ARFGAP1: variants seen among roughly 807,000 people sequenced by gnomAD.
The protein encoded by ARFGAP1 is ARF GTPase activating protein 1.
ARFGAP1 carries 26 observed loss-of-function variants against 54.0 expected under a neutral mutation model. That is an observed-to-expected ratio of 0.48 (90% CI 0.35 to 0.67). The LOEUF (loss-of-function observed/expected upper bound fraction) is 0.67, where lower values mean the gene tolerates loss of function less well. Among genes scored for constraint, ARFGAP1 ranks in the 30% least tolerant of loss-of-function variants. The pLI is 0.00. For synonymous variants in ARFGAP1, 248 were observed against 211.9 expected (o/e 1.17, Z -1.48); for missense variants, 525 against 535.8 (o/e 0.98, Z 0.20).
rs1333115261 is a variant in ARFGAP1, at chr20:63,276,023, G to A, written c.61-68G>A. The A allele has an allele frequency of 6.8e-7, 1 of 1,470,076 alleles. No individual in the cohort carries two copies. Among genetic ancestry groups the A allele is most frequent in the Non-Finnish European group, 9.5e-7 (1 of 1,052,364 alleles). 91.1% of individuals were successfully genotyped at this position (1,470,076 alleles called of 1,614,324 possible). A position where few individuals can be genotyped will look rare whatever the true frequency, so the allele number is the denominator to read the frequency against. On this transcript the variant is annotated intron_variant, in intron 2 of 12. Transcript: ENST00000370283. This position sits in a 1 kb window ranked among gnomAD's most constrained non-coding sequence, Gnocchi z 5.2. ...CTGCATTCGCTCCTTGAGGCCACCT[G>A]TCGGGTCTTTGGGGTCCCTGGGCTC...
chr20:63,287,478 C>T, intron 12 of ARFGAP1, 86 bp from the exon 13 acceptor site: 1 of 1,329,454 alleles, frequency 7.5e-7, no homozygotes, highest in Non-Finnish European at 1.0e-6. Flanking sequence ...GGTCACTGTC[C>T]AGGTGCAGAG....
chr20:63,278,819 C>T (rs1333007018), intron 6 of ARFGAP1, 80 bp from the exon 7 acceptor site: 11 of 1,411,300 alleles, frequency 7.8e-6, no homozygotes, highest in Non-Finnish European at 9.0e-6. Flanking sequence ...CCCAGCCTTG[C>T]CTGTGTTCAG....
rs957426248 is a variant in ARFGAP1 at position 63,288,441 on chromosome 20, C to T, written c.*568C>T. ...CTGCCTGGGCCTGTGCTGTCAGACC[C>T]GCGTCGGTCGTAACCCTCTGTGGCT... On this transcript the variant is annotated 3_prime_UTR_variant, in exon 13 of 13. Coordinates refer to ENST00000370283, the MANE Select transcript of ARFGAP1 (RefSeq NM_018209.4). 1.3e-5 allele frequency: 6 copies of T among 456,124 alleles called. No individual in the cohort carries two copies. The highest frequency in any genetic ancestry group is 1.8e-5 in the Non-Finnish European group (4 of 226,824). The allele number at this position is 456,124 out of a possible 1,614,324, so 28.3% of individuals were successfully genotyped here. A position where few individuals can be genotyped will look rare whatever the true frequency, so the allele number is the denominator to read the frequency against.
intron 10 of ARFGAP1, 118 bp downstream of exon 10, chr20:63,285,040 C>A: frequency 1.7e-6 from 2 of 1,190,402 alleles, no homozygotes; most frequent in Admixed American, 4.0e-5. Context: ...GGCCAAGCCT[C>A]ACACCCCACC....
chr20:63,278,581 G>A (rs765716444), intron 6 of ARFGAP1: 17 of 471,362 alleles, frequency 3.6e-5, no homozygotes, highest in African/African-American at 5.8e-5. Flanking sequence ...CATTTTCTGC[G>A]TGGAATCTGC....
At position 63,288,630 on chromosome 20, in the gene ARFGAP1, A is replaced by C; in HGVS notation, c.*757A>C. Reference sequence around the variant, plus strand: ...CAGGGTGGGCCCTCGGCCCTGATGCAGGAGGGTGCGATAGCGGACGTGGCC... The same window carrying C: ...CAGGGTGGGCCCTCGGCCCTGATGCCGGAGGGTGCGATAGCGGACGTGGCC... On this transcript the variant is annotated 3_prime_UTR_variant, in exon 13 of 13. Coordinates refer to ENST00000370283, the MANE Select transcript of ARFGAP1 (RefSeq NM_018209.4). The C allele has an allele frequency of 2.4e-6, 1 of 417,090 alleles. No individual in the cohort carries two copies. Among genetic ancestry groups the C allele is most frequent in the Admixed American group, 2.5e-5 (1 of 39,846 alleles). 25.8% of individuals were successfully genotyped at this position (417,090 alleles called of 1,614,324 possible).
At chr20:63,285,757 C>T (rs2067518627) in intron 11 of ARFGAP1, 44 bp downstream of exon 11, 1 of 1,601,272 alleles carries the variant, frequency 6.2e-7, no homozygotes, top group Non-Finnish European at 8.6e-7. Flanking sequence ...AAGCCAGTCT[C>T]CATATTCCAC....
chr20:63,287,509 C>T, intron 12 of ARFGAP1, 55 bp from the exon 13 acceptor site: 3 of 1,492,472 alleles, frequency 2.0e-6, no homozygotes, highest in South Asian at 2.7e-5. Context: ...CACAGAATTC[C>T]CAGTGGTGGA....
chr20:63,282,801 CT>C lies in ARFGAP1; in HGVS notation c.685-15del, dbSNP rs1253523075. ...CCATGTTAAGTCTGTCAAGCCTTGT[CT>C]TTGTTTTTCATTTTAGGCTACAAAG... On this transcript the variant is annotated splice_polypyrimidine_tract_variant and intron_variant, in intron 8 of 12. Transcript: ENST00000370283. 6.2e-7 allele frequency: 1 copy of C among 1,614,026 alleles called. No individual in the cohort carries two copies. The highest frequency in any genetic ancestry group is 1.7e-5 in the Admixed American group (1 of 60,022).
rs1007958598 is a variant in ARFGAP1, at chr20:63,276,840, G to C, written c.342+189G>C. ...CCCAGAGGGGAGGCAAATGGCTTGC[G>C]GGGGGAGACAGACCTTCCCCGCCTC... On this transcript the variant is annotated intron_variant, in intron 4 of 12. Coordinates refer to ENST00000370283, the MANE Select transcript of ARFGAP1 (RefSeq NM_018209.4). This position sits in a 1 kb window ranked among gnomAD's most constrained non-coding sequence, Gnocchi z 5.2. 2.1e-5 allele frequency: 13 copies of C among 629,782 alleles called. No individual in the cohort carries two copies. Among genetic ancestry groups the C allele is most frequent in the South Asian group, 2.0e-4 (8 of 40,970 alleles). The allele number at this position is 629,782 out of a possible 1,614,324, so 39.0% of individuals were successfully genotyped here. A position where few individuals can be genotyped will look rare whatever the true frequency, so the allele number is the denominator to read the frequency against.
intron 5 of ARFGAP1, 34 bp from the exon 6 acceptor site, chr20:63,278,083 T>C: frequency 1.2e-6 from 2 of 1,607,260 alleles, no homozygotes; most frequent in Non-Finnish European, 1.7e-6. Flanking sequence ...TTCACCCAGT[T>C]TTGGCCTTAC....
At chr20:63,273,511 G>A (rs1369174567) in intron 1 of ARFGAP1, 1 of 152,230 alleles carries the variant, frequency 6.6e-6, no homozygotes, top group Non-Finnish European at 1.5e-5. Flanking sequence ...ACTTTTGAAG[G>A]TTAGGAGGTA....
At chr20:63,274,688 T>A (rs1005021095) in intron 1 of ARFGAP1, among the ~76,000 whole-genome samples, 6 of 152,194 alleles carry the variant, frequency 3.9e-5, no homozygotes, top group Non-Finnish European at 7.4e-5. Flanking sequence ...TTCTACAGTT[T>A]GCTCGGTGGC....
chr20:63,278,245 C>T (rs1219489144), intron 6 of ARFGAP1, 42 bp downstream of exon 6: 2 of 1,590,580 alleles, frequency 1.3e-6, no homozygotes, highest in South Asian at 2.2e-5. Context: ...TGGGCCAGGC[C>T]CACAGGGTTC....
chr20:63,287,924 C>T lies in ARFGAP1; in HGVS notation c.*51C>T. 6.9e-7 allele frequency: 1 copy of T among 1,452,658 alleles called. No individual in the cohort carries two copies. The highest frequency in any genetic ancestry group is 9.1e-7 in the Non-Finnish European group (1 of 1,101,076). 90.0% of individuals were successfully genotyped at this position (1,452,658 alleles called of 1,614,324 possible). On this transcript the variant is annotated 3_prime_UTR_variant, in exon 13 of 13. Transcript: ENST00000370283. ...GCCCCCGGGCGACTTCGTGTTTGCA[C>T]TCTGCCCTCGTCGTTCCTCCTCCTT...
intron 5 of ARFGAP1, among the ~76,000 whole-genome samples, chr20:63,277,736 C>T (rs1601338802): frequency 6.6e-6 from 1 of 152,192 alleles, no homozygotes; most frequent in South Asian, 2.1e-4. Context: ...TAGCACGAGG[C>T]CTCCCCACCT....
In ARFGAP1 at chr20:63,285,693, G is replaced by A; in HGVS notation, c.814G>A (p.Val272Ile). The change falls in exon 11 of 13, where the codon GTC (valine) becomes ATC (isoleucine). Residue 272 changes from valine to isoleucine, a missense_variant. By Grantham distance (29) the Val-to-Ile change is conservative. Transcript: ENST00000370283. ...GKIFDDVSSGVSQLASKVQGV... is the reference protein window; with the variant it reads ...GKIFDDVSSGISQLASKVQGV... ...GATTTTTGATGATGTCTCCAGTGGG[G>A]TCTCTCAGTTGGCGTCCAAGGTAGG... is the stretch of plus-strand genomic sequence containing the variant. 1.2e-6 allele frequency: 2 copies of A among 1,613,676 alleles called. No homozygotes were observed. Among genetic ancestry groups the A allele is most frequent in the Non-Finnish European group, 1.7e-6 (2 of 1,180,012 alleles).
intron 11 of ARFGAP1, 178 bp downstream of exon 11, chr20:63,285,891 T>C (rs1368684827): frequency 7.0e-7 from 1 of 1,425,328 alleles, no homozygotes; most frequent in Non-Finnish European, 9.4e-7. Context: ...TGGAAACAAC[T>C]TGGCCCACTG....
At chr20:63,281,838 G>C (rs1255447536) in intron 8 of ARFGAP1, among the ~76,000 whole-genome samples, 1 of 152,206 alleles carries the variant, frequency 6.6e-6, no homozygotes, top group East Asian at 1.9e-4. Flanking sequence ...CTGACACCAG[G>C]ATGGAGCATG....
Sources: allele counts gnomAD v4.1 joint callset (sites outside exome capture counted in the v4.1 genomes callset), GRCh38; gene constraint gnomAD v4.1.1; non-coding constraint Gnocchi (gnomAD v3.1); transcripts MANE v1.5; gene names NCBI Gene and HGNC (gene_info 2026-07-23, HGNC 2026-07-21).